EPHB4: variants seen among roughly 807,000 people sequenced by gnomAD.
EPHB4 encodes EPH receptor B4.
In EPHB4, 50 loss-of-function variants were observed where a neutral mutation model predicts 110.6. The ratio of observed to expected loss-of-function variants is 0.45; its 90% CI spans 0.36 to 0.57. The LOEUF (loss-of-function observed/expected upper bound fraction) is 0.57. Ranked by LOEUF, EPHB4 falls within the 20% of genes least tolerant of loss-of-function variation. EPHB4 has a pLI of 0.00. For synonymous variants in EPHB4, 592 were observed against 578.4 expected (o/e 1.02, Z -0.34); for missense variants, 1,128 against 1,382.1 (o/e 0.82, Z 2.91).
rs1812841037 is a variant in EPHB4 at position 100,807,467 on chromosome 7, G to C, written c.2232C>G (p.Arg744=). ...MSYVHRDLAA[R]NILVNSNLVC... ...CGAGGTTGCTGTTGACTAGGATGTT[G>C]CGAGCAGCCAGGTCTCGGTGGACGT... The change falls in exon 13 of 17, where the codon CGC becomes CGG. Residue 744 remains arginine (R), a synonymous_variant. Transcript: ENST00000358173. 6.2e-7 allele frequency: 1 copy of C among 1,613,968 alleles called. No homozygotes were observed. The highest frequency in any genetic ancestry group is 1.1e-5 in the South Asian group (1 of 91,076).
At chr7:100,817,392 G>T in intron 7 of EPHB4, 35 bp from the exon 8 acceptor site, 2 of 1,511,342 alleles carry the variant, frequency 1.3e-6, no homozygotes, top group East Asian at 2.6e-5. Context: ...GCCGTCACCC[G>T]GGAACCCAAG....
chr7:100,819,743 C>T lies in EPHB4; in HGVS notation c.1111G>A (p.Ala371Thr), dbSNP rs1427224237. The T allele has an allele frequency of 1.9e-6, 3 of 1,609,780 alleles. No individual in the cohort carries two copies. The highest frequency in any genetic ancestry group is 2.5e-6 in the Non-Finnish European group (3 of 1,178,350). The change falls in exon 6 of 17, where the codon GCG (alanine) becomes ACG (threonine). Residue 371 changes from alanine to threonine, a missense_variant. By Grantham distance (58) the Ala-to-Thr change is moderately conservative (BLOSUM62 0). This residue lies in a region of EPHB4 where 728 missense variants were observed against 828.6 expected (regional missense o/e 0.88). Coordinates refer to ENST00000358173, the MANE Select transcript of EPHB4 (RefSeq NM_004444.5). ...CRECRPGGSC[A>T]PCGGDLTFDP... ...AAAGTCAGGTCTCCCCCGCAGGGCG[C>T]ACAGGAGCCTCCGGGTCGGCACTCC...
Position 100,826,235 on chromosome 7 carries a change from A to C in EPHB4, c.52+744T>G, listed in dbSNP as rs561930631. Reference sequence around the variant, plus strand: ...TTGGAGAGACCAGGAGGTGGGAGATAGACTGGGTTAGTTAGGGCGATGTGG... The same window carrying C: ...TTGGAGAGACCAGGAGGTGGGAGATCGACTGGGTTAGTTAGGGCGATGTGG... On this transcript the variant is annotated intron_variant, in intron 1 of 16. Transcript: ENST00000358173. Among the ~76,000 whole-genome samples, 83 of 152,198 alleles carry C rather than the reference A, an allele frequency of 5.5e-4. 2 individuals are homozygous for C. In the Middle Eastern group the frequency reaches 0.01, roughly 19 times the overall value.
At chr7:100,816,943 C>T (rs1222336300) in intron 8 of EPHB4, among the ~76,000 whole-genome samples, 2 of 151,816 alleles carry the variant, frequency 1.3e-5, no homozygotes, top group Non-Finnish European at 2.9e-5. Context: ...ATCGGCCAGG[C>T]GCGGTGGCAG....
In EPHB4 at chr7:100,822,311, A is replaced by G; in HGVS notation, c.768T>C (p.Ala256=). ...TCCCCTCAGCTGCCTCGAACCCCGG[A>G]GCACAGCTGCAGCCCGTGACCGGCT... ...AEQPVTGCSC[A]PGFEAAEGNT... The change falls in exon 4 of 17, where the codon GCT becomes GCC. Residue 256 remains alanine (A), a synonymous_variant. Transcript: ENST00000358173. The surrounding 1 kb of genome is among the most constrained non-coding windows in gnomAD (Gnocchi z 4.7). 3 of 1,567,066 alleles carry G rather than the reference A, an allele frequency of 1.9e-6. No individual in the cohort carries two copies. The highest frequency in any genetic ancestry group is 2.4e-5 in the East Asian group (1 of 41,992).
chr7:100,819,736 C>A lies in EPHB4; in HGVS notation c.1118G>T (p.Cys373Phe). The change falls in exon 6 of 17, where the codon TGC becomes TTC. Residue 373 changes from cysteine to phenylalanine, a missense_variant. By Grantham distance (205) the Cys-to-Phe change is radical. Transcript: ENST00000358173. ...ECRPGGSCAP[C>F]GGDLTFDPGP... ...GGGGTCAAAAGTCAGGTCTCCCCCGCAGGGCGCACAGGAGCCTCCGGGTCG... is the reference window on the plus strand; with the variant it reads ...GGGGTCAAAAGTCAGGTCTCCCCCGAAGGGCGCACAGGAGCCTCCGGGTCG... 6.2e-7 allele frequency: 1 copy of A among 1,610,612 alleles called. No individual in the cohort carries two copies. The highest frequency in any genetic ancestry group is 8.5e-7 in the Non-Finnish European group (1 of 1,178,722).
In EPHB4 at chr7:100,806,537, C is replaced by A; in HGVS notation, c.2367G>T (p.Pro789=). The change falls in exon 14 of 17, where the codon CCG becomes CCT. Residue 789 remains proline (P), a synonymous_variant. Transcript: ENST00000358173. ...TGAACTTCCGGAAGGCAATGGCCTC[C>A]GGGGCAGTCCATCGGATGGGAATCT... The part of the protein sequence containing the change: ...GGKIPIRWTA[P]EAIAFRKFTS... 1 of 1,614,024 alleles carries A rather than the reference C, an allele frequency of 6.2e-7. No homozygotes were observed. Among genetic ancestry groups the A allele is most frequent in the Non-Finnish European group, 8.5e-7 (1 of 1,179,990 alleles).
intron 12 of EPHB4, among the ~76,000 whole-genome samples, chr7:100,811,870 A>T (rs995868504): frequency 2.6e-4 from 35 of 134,392 alleles, no homozygotes; most frequent in East Asian, 2.1e-4. Context: ...ACTCTGTCTT[A>T]AAAAAAAAAA....
chr7:100,815,901 T>C (rs906519841), intron 8 of EPHB4, among the ~76,000 whole-genome samples: 5 of 152,024 alleles, frequency 3.3e-5, no homozygotes, highest in East Asian at 3.9e-4. Context: ...GGTGGAAGGA[T>C]TGGTTGAGCT....
rs1812738683 is a variant in EPHB4 at position 100,803,334 on chromosome 7, G to C, written c.*127C>G. ...CCCCCAAATCCTGTCTCTCCAAATT[G>C]CCAACTCCTCACCCCACGGGCTCAA... is the stretch of plus-strand genomic sequence containing the variant. On this transcript the variant is annotated 3_prime_UTR_variant, in exon 17 of 17. Transcript: ENST00000358173. 3 of 1,172,064 alleles carry C rather than the reference G, an allele frequency of 2.6e-6. No individual in the cohort carries two copies. In the African/African-American group the frequency reaches 4.7e-5, roughly 18 times the overall value. The allele number at this position is 1,172,064 out of a possible 1,614,324, so 72.6% of individuals were successfully genotyped here. A position where few individuals can be genotyped will look rare whatever the true frequency, so the allele number is the denominator to read the frequency against.
chr7:100,813,427 T>C, intron 10 of EPHB4: 1 of 657,186 alleles, frequency 1.5e-6, no homozygotes, highest in Non-Finnish European at 2.6e-6. Context: ...ATGATTCTTC[T>C]GCCTCAGCCT....
rs1043861809 is a variant in EPHB4, at chr7:100,804,455, C to G, written c.2834+711G>C. 4.0e-5 allele frequency among the ~76,000 whole-genome samples: 6 copies of G among 151,416 alleles called. No individual in the cohort carries two copies. The East Asian group carries it at 1.2e-3, about 30-fold the overall frequency. On this transcript the variant is annotated intron_variant, in intron 16 of 16. Transcript: ENST00000358173. ...TCAGCCTCCTCAGTAGCTGGTATTACAGGCACGCACCACCATGCCCAGCTA... is the reference window on the plus strand; with the variant it reads ...TCAGCCTCCTCAGTAGCTGGTATTAGAGGCACGCACCACCATGCCCAGCTA...
At chr7:100,809,832 G>A (rs1812891418) in intron 12 of EPHB4, among the ~76,000 whole-genome samples, 1 of 152,262 alleles carries the variant, frequency 6.6e-6, no homozygotes. Flanking sequence ...CTGTCTCTTC[G>A]ACCAGGCACG....
chr7:100,817,500 G>A, intron 7 of EPHB4, 143 bp from the exon 8 acceptor site: 2 of 853,876 alleles, frequency 2.3e-6, no homozygotes, highest in Non-Finnish European at 3.4e-6. Context: ...ACGCATGCAA[G>A]CCATGTGCTG....
rs143069269 is a variant in EPHB4 at position 100,817,136 on chromosome 7, C to T, written c.1588+56G>A. 9.9e-5 allele frequency: 141 copies of T among 1,425,890 alleles called. No homozygotes were observed. The African/African-American group carries it at 1.8e-3, about 18-fold the overall frequency. The allele number at this position is 1,425,890 out of a possible 1,614,324, so 88.3% of individuals were successfully genotyped here. A position where few individuals can be genotyped will look rare whatever the true frequency, so the allele number is the denominator to read the frequency against. The stretch of plus-strand genomic sequence containing the variant: ...GGGACTTTGGAGACCTGGGGTCTTC[C>T]CAGGAACTTTGGGGGTCTTTCCAAC... On this transcript the variant is annotated intron_variant, in intron 8 of 16. Transcript: ENST00000358173.
At chr7:100,807,104 A>G (rs950146293) in intron 13 of EPHB4, among the ~76,000 whole-genome samples, 2 of 152,180 alleles carry the variant, frequency 1.3e-5, no homozygotes, top group Admixed American at 6.5e-5. Flanking sequence ...CTGGGACTAC[A>G]GGTGCATGCC....
In EPHB4 at chr7:100,817,251, C is replaced by T. The variant is rs765931769; in HGVS notation, c.1529G>A (p.Arg510His). ...GASYLVQVRA[R>H]SEAGYGPFGQ... ...GAAGGGCCCGTAGCCGGCCTCAGAG[C>T]GCGCCCGTACCTGCACCAGGTAGCT... is the stretch of plus-strand genomic sequence containing the variant. Residue 510 changes from arginine to histidine, a missense_variant, in exon 8 of 17, where the codon CGC becomes CAC. By Grantham distance (29) the Arg-to-His change is conservative. Transcript: ENST00000358173. 26 of 1,605,502 alleles carry T rather than the reference C, an allele frequency of 1.6e-5. No homozygotes were observed. Among genetic ancestry groups the T allele is most frequent in the African/African-American group, 2.7e-5 (2 of 74,342 alleles).
At chr7:100,808,267 G>C (rs1464547440) in intron 12 of EPHB4, among the ~76,000 whole-genome samples, 2 of 152,140 alleles carry the variant, frequency 1.3e-5, no homozygotes, top group Admixed American at 6.5e-5. Context: ...CCCCCAGGTT[G>C]GAGTGCAGTG....
Position 100,803,416 on chromosome 7 carries a change from G to A in EPHB4, c.*45C>T, listed in dbSNP as rs371147602. 53 of 1,482,106 alleles carry A rather than the reference G, an allele frequency of 3.6e-5. No individual in the cohort carries two copies. Among genetic ancestry groups the A allele is most frequent in the East Asian group, 4.8e-5 (2 of 41,246 alleles). The allele number at this position is 1,482,106 out of a possible 1,614,324, so 91.8% of individuals were successfully genotyped here. On this transcript the variant is annotated 3_prime_UTR_variant, in exon 17 of 17. Transcript: ENST00000358173. Reference sequence around the variant, plus strand: ...CCTCTGTGAGTCCCCACTCTGCCCCGGAAAATGGGGAGGCGGTGTCCCTGG... The same window carrying A: ...CCTCTGTGAGTCCCCACTCTGCCCCAGAAAATGGGGAGGCGGTGTCCCTGG...
Sources: gnomAD v4.1 joint callset for allele counts (sites outside exome capture counted in the v4.1 genomes callset) on GRCh38, gnomAD v4.1.1 for gene constraint, gnomAD v4.1.1 regional missense constraint, Gnocchi (gnomAD v3.1) non-coding constraint, MANE v1.5 for transcripts, NCBI Gene and HGNC (gene_info 2026-07-23, HGNC 2026-07-21) for gene names.